Variants in DDX46 observed in about 807,000 individuals in gnomAD.
The protein encoded by DDX46 is DEAD-box helicase 46.
A neutral mutation model predicts 134.9 loss-of-function variants in DDX46; 30 were observed. The ratio of observed to expected loss-of-function variants is 0.22; its 90% CI spans 0.17 to 0.30. The LOEUF (loss-of-function observed/expected upper bound fraction) is 0.30, where lower values mean the gene tolerates loss of function less well. DDX46 is among the 10% of genes least tolerant of loss of function. DDX46 has a pLI of 1.00. For synonymous variants in DDX46, 415 were observed against 404.1 expected (o/e 1.03, Z -0.32); for missense variants, 622 against 1,248.7 (o/e 0.50, Z 7.56).
intron 21 of DDX46, among the ~76,000 whole-genome samples, chr5:134,819,874 G>GGA (rs1439181470): frequency 6.6e-6 from 1 of 151,740 alleles, no homozygotes; most frequent in Non-Finnish European, 1.5e-5. Flanking sequence ...CTGCATAGTA[G>GGA]GACACCCTGT....
chr5:134,774,222 T>A (rs1225331795), intron 5 of DDX46, among the ~76,000 whole-genome samples: 4 of 152,250 alleles, frequency 2.6e-5, no homozygotes. Flanking sequence ...TTTGTCTTTT[T>A]GTGTCTGGCT....
Position 134,828,825 on chromosome 5 carries a change from T to A in DDX46, c.*119T>A. ...TAAATTCTATCTTGCTGATTTTTTTTAAATATAAGAAACTGGTACTTGGTA... is the reference window on the plus strand; with the variant it reads ...TAAATTCTATCTTGCTGATTTTTTTAAAATATAAGAAACTGGTACTTGGTA... On this transcript the variant is annotated 3_prime_UTR_variant, in exon 23 of 23. Transcript: ENST00000452510. 4 of 688,754 alleles carry A rather than the reference T, an allele frequency of 5.8e-6. No homozygotes were observed. Among genetic ancestry groups the A allele is most frequent in the Non-Finnish European group, 8.4e-6 (4 of 476,440 alleles). The allele number at this position is 688,754 out of a possible 1,614,324, so 42.7% of individuals were successfully genotyped here.
At chr5:134,795,139 C>T in intron 14 of DDX46, 125 bp downstream of exon 14, 1 of 1,049,646 alleles carries the variant, frequency 9.5e-7, no homozygotes. Flanking sequence ...TACCACTACT[C>T]TAGCCTTCAG....
chr5:134,782,105 A>T lies in DDX46; in HGVS notation c.1045+19A>T. The T allele has an allele frequency of 6.3e-7, 1 of 1,576,820 alleles. No individual in the cohort carries two copies. The highest frequency in any genetic ancestry group is 1.2e-5 in the South Asian group (1 of 85,334). ...CAAGAAGGTAAAATTCCATTTTTTCATTTACTGGTTATAAGGGAACAGAAG... is the reference window on the plus strand; with the variant it reads ...CAAGAAGGTAAAATTCCATTTTTTCTTTTACTGGTTATAAGGGAACAGAAG... On this transcript the variant is annotated intron_variant, in intron 8 of 22. Transcript: ENST00000452510.
intron 22 of DDX46, 65 bp from the exon 23 acceptor site, chr5:134,828,594 G>GTT: frequency 5.3e-5 from 43 of 804,752 alleles, no homozygotes; most frequent in Non-Finnish European, 6.4e-5. Context: ...TGGTTGGTTC[G>GTT]TTTTTTTTTT....
At position 134,828,750 on chromosome 5, in the gene DDX46, T is replaced by C; in HGVS notation, c.*44T>C. 2 of 1,339,050 alleles carry C rather than the reference T, an allele frequency of 1.5e-6. No homozygotes were observed. The highest frequency in any genetic ancestry group is 9.9e-7 in the Non-Finnish European group (1 of 1,009,222). The allele number at this position is 1,339,050 out of a possible 1,614,324, so 82.9% of individuals were successfully genotyped here. A position where few individuals can be genotyped will look rare whatever the true frequency, so the allele number is the denominator to read the frequency against. On this transcript the variant is annotated 3_prime_UTR_variant, in exon 23 of 23. Transcript: ENST00000452510. ...TTTACCTGTGCTGGTCTATGATGTATGTGGCAGTTGCTGTCTGCAGTTTAC... is the reference window on the plus strand; with the variant it reads ...TTTACCTGTGCTGGTCTATGATGTACGTGGCAGTTGCTGTCTGCAGTTTAC...
Position 134,812,783 on chromosome 5 carries a change from A to AC in DDX46, c.2436+941dup, listed in dbSNP as rs1755182975. On this transcript the variant is annotated intron_variant, in intron 18 of 22. Coordinates refer to ENST00000452510, the MANE Select transcript of DDX46 (RefSeq NM_001300860.2). Reference sequence around the variant, plus strand: ...CTCCCTAGTAGCTGGGATTACAGGCACCCACCACCACGCCCGGCTGATTTT... The same window carrying AC: ...CTCCCTAGTAGCTGGGATTACAGGCACCCCACCACCACGCCCGGCTGATTTT... Among the ~76,000 whole-genome samples, 5 of 152,070 alleles carry AC rather than the reference A, an allele frequency of 3.3e-5. No homozygotes were observed. In the South Asian group the frequency reaches 8.3e-4, roughly 25 times the overall value.
In DDX46 at chr5:134,811,212, A is replaced by G. The variant is rs1185906636; in HGVS notation, c.2149-9A>G. On this transcript the variant is annotated splice_polypyrimidine_tract_variant and intron_variant, in intron 16 of 22. Transcript: ENST00000452510. ...TGTCTAATAATTGTACTTTTTCATC[A>G]TGCATTAGGGTTATGCTTATACTTT... 7 of 1,610,662 alleles carry G rather than the reference A, an allele frequency of 4.3e-6. No homozygotes were observed. Among genetic ancestry groups the G allele is most frequent in the African/African-American group, 1.3e-5 (1 of 74,774 alleles).
At chr5:134,808,092 A>G (rs1411480349) in intron 16 of DDX46, 151 bp downstream of exon 16, 7 of 723,160 alleles carry the variant, frequency 9.7e-6, no homozygotes, top group Non-Finnish European at 1.3e-5. Context: ...AATAATTTAT[A>G]TACATGTACA....
At chr5:134,777,877 A>C (rs1232174434) in intron 6 of DDX46, 152 bp downstream of exon 6, 1 of 801,822 alleles carries the variant, frequency 1.2e-6, no homozygotes, top group Admixed American at 3.5e-5. Flanking sequence ...TGAGTACCAG[A>C]GATACTGGTA....
chr5:134,807,158 T>C (rs1179096992), intron 15 of DDX46, among the ~76,000 whole-genome samples: 1 of 150,058 alleles, frequency 6.7e-6, no homozygotes, highest in Non-Finnish European at 1.5e-5. Context: ...GGTTCAGGCA[T>C]GTGCCACCAC....
At chr5:134,759,967 A>C (rs1433610898) in intron 1 of DDX46, among the ~76,000 whole-genome samples, 1 of 152,166 alleles carries the variant, frequency 6.6e-6, no homozygotes, top group Non-Finnish European at 1.5e-5. Context: ...TAGATTCTAC[A>C]TCCTTTGCCC....
At chr5:134,795,747 C>T (rs1006290592) in intron 14 of DDX46, among the ~76,000 whole-genome samples, 2 of 152,120 alleles carry the variant, frequency 1.3e-5, no homozygotes, top group African/African-American at 4.8e-5. Flanking sequence ...TTCTTGGTTA[C>T]TAGGATATGA....
Position 134,816,409 on chromosome 5 carries a change from CT to C in DDX46, c.2437-14del, listed in dbSNP as rs745830659. The C allele has an allele frequency of 3.9e-6, 6 of 1,554,014 alleles. No homozygotes were observed. Among genetic ancestry groups the C allele is most frequent in the East Asian group, 2.3e-5 (1 of 43,432 alleles). ...TTTCTAATTCAGTTTTTTACTAGTCCTTTTTTTCCTTTTGATCTAGATTGAT... is the reference window on the plus strand; with the variant it reads ...TTTCTAATTCAGTTTTTTACTAGTCCTTTTTTCCTTTTGATCTAGATTGAT... On this transcript the variant is annotated intron_variant, in intron 18 of 22. Coordinates refer to ENST00000452510, the MANE Select transcript of DDX46 (RefSeq NM_001300860.2).
chr5:134,801,191 T>C (rs1754817793), intron 15 of DDX46, among the ~76,000 whole-genome samples: 1 of 151,976 alleles, frequency 6.6e-6, no homozygotes, highest in African/African-American at 2.4e-5. Context: ...GGGAGGATTG[T>C]TTAAGCCTGG....
chr5:134,758,837 G>A lies in DDX46; in HGVS notation c.-102G>A, dbSNP rs1307939954. On this transcript the variant is annotated 5_prime_UTR_variant, in exon 1 of 23. An upstream open reading frame in the 5' UTR loses its in-frame stop. Coordinates refer to ENST00000452510, the MANE Select transcript of DDX46 (RefSeq NM_001300860.2). The stretch of plus-strand genomic sequence containing the variant: ...CAGCTGTAGGTGCTGCTAGTGTTTA[G>A]CGCTGGTCTTTGCCGGGCGTTGAGG... 21 of 1,572,818 alleles carry A rather than the reference G, an allele frequency of 1.3e-5. No individual in the cohort carries two copies. The highest frequency in any genetic ancestry group is 1.7e-5 in the Admixed American group (1 of 59,492).
intron 21 of DDX46, among the ~76,000 whole-genome samples, chr5:134,819,889 CTTTA>C (rs762273820): frequency 7.2e-5 from 11 of 151,820 alleles, no homozygotes; most frequent in Non-Finnish European, 1.0e-4. Flanking sequence ...CCCTGTCACA[CTTTA>C]TTTATGTTTT....
At chr5:134,789,997 G>A in intron 12 of DDX46, 1 of 442,396 alleles carries the variant, frequency 2.3e-6, no homozygotes, top group Non-Finnish European at 4.6e-6. Context: ...TAAATATATG[G>A]AAGTAGGTTA....
chr5:134,776,063 T>C (rs1190924008), intron 5 of DDX46, among the ~76,000 whole-genome samples: 1 of 152,174 alleles, frequency 6.6e-6, no homozygotes, highest in Non-Finnish European at 1.5e-5. Flanking sequence ...TACTGTATTA[T>C]TTTAATATGG....
Sources: gnomAD v4.1 joint callset for allele counts (sites outside exome capture counted in the v4.1 genomes callset) on GRCh38, gnomAD v4.1.1 for gene constraint, MANE v1.5 for transcripts, NCBI Gene and HGNC (gene_info 2026-07-23, HGNC 2026-07-21) for gene names.